MIER2: variants seen among roughly 807,000 people sequenced by gnomAD.
The protein encoded by MIER2 is MIER family member 2.
In MIER2, 30 loss-of-function variants were observed where a neutral mutation model predicts 67.6. The ratio of observed to expected loss-of-function variants is 0.44; its 90% confidence interval spans 0.33 to 0.60. The LOEUF is 0.60. MIER2 is among the 20% of genes least tolerant of loss of function. The pLI is 0.02. For missense variants in MIER2, 702 were observed against 745.1 expected (o/e 0.94, Z 0.67); for synonymous variants, 372 against 312.6 (o/e 1.19, Z -2.00).
rs919741584 is a variant in MIER2 at position 324,972 on chromosome 19, A to G, written c.655+663T>C. Among the ~76,000 whole-genome samples the G allele has an allele frequency of 2.0e-5, 3 of 152,210 alleles. No individual in the cohort carries two copies. The East Asian group carries it at 5.8e-4, about 29-fold the overall frequency. On this transcript the variant is annotated intron_variant, in intron 7 of 13. Transcript: ENST00000264819. ...CCAGGAGGACGACTTCTCTTCACGG[A>G]GGGTCCCTGTCTCCCTGGACTCAGT...
chr19:320,335 G>A (rs1232722528), intron 7 of MIER2, among the ~76,000 whole-genome samples: 1 of 152,006 alleles, frequency 6.6e-6, no homozygotes, highest in African/African-American at 2.4e-5. Context: ...AGCCAAGATT[G>A]CGCCACGGCA....
intron 1 of MIER2, among the ~76,000 whole-genome samples, chr19:341,373 G>A (rs1972493428): frequency 6.6e-6 from 1 of 152,154 alleles, no homozygotes; most frequent in Non-Finnish European, 1.5e-5. Flanking sequence ...GGTCTGAGGA[G>A]GATCTGGCCC....
In MIER2 at chr19:327,923, C is replaced by T. The variant is rs10421231; in HGVS notation, c.310G>A (p.Asp104Asn). The T allele has an allele frequency of 6.2e-7, 1 of 1,613,108 alleles. No individual in the cohort carries two copies. The highest frequency in any genetic ancestry group is 8.5e-7 in the Non-Finnish European group (1 of 1,179,574). Residue 104 changes from aspartate to asparagine, a missense_variant, in exon 4 of 14, where the codon GAC (aspartate) becomes AAC (asparagine). Around this residue, in one of 3 missense-constraint regions of MIER2, gnomAD observed 320 missense variants for 292.6 expected, o/e 1.09. Transcript: ENST00000264819. Reference sequence around the variant, plus strand: ...ACGTCACCACCCTCACTCTCCCGGTCTGAAATGGGGTCTGACGCCTCGTAG... The same window carrying T: ...ACGTCACCACCCTCACTCTCCCGGTTTGAAATGGGGTCTGACGCCTCGTAG... ...YGYEASDPIS[D>N]RESEGGDVAP... is the part of the protein sequence containing the mutation.
At chr19:315,112 C>G (rs1164087733) in intron 7 of MIER2, among the ~76,000 whole-genome samples, 5 of 151,966 alleles carry the variant, frequency 3.3e-5, no homozygotes, top group African/African-American at 4.8e-5. Flanking sequence ...CGCCTGTCAT[C>G]CCAGCACTTT....
At chr19:334,597 C>T (rs1344906729) in intron 2 of MIER2, 55 bp from the exon 3 acceptor site, 1 of 1,585,774 alleles carries the variant, frequency 6.3e-7, no homozygotes, top group Non-Finnish European at 8.6e-7. Flanking sequence ...TCCCAACCAT[C>T]CTGCCGAGAC....
intron 3 of MIER2, among the ~76,000 whole-genome samples, chr19:329,910 A>ATTTTGT (rs1971942466): frequency 1.3e-5 from 2 of 150,458 alleles, no homozygotes; most frequent in African/African-American, 4.9e-5. Flanking sequence ...CAAAGTGAGC[A>ATTTTGT]TTTTGTTAAG....
intron 10 of MIER2, among the ~76,000 whole-genome samples, chr19:310,597 AC>A (rs67676947): frequency 0.18 from 9,475 of 53,122 alleles, 188 homozygotes; most frequent in African/African-American, 0.36. Context: ...CTGCAGAAAC[AC>A]AGCCGGGAGC....
At position 308,976 on chromosome 19, in the gene MIER2, CACCTGCACCACGATCCCAGG is replaced by C. The variant is rs1320224716; in HGVS notation, c.985-71_985-52del. 11 of 1,570,284 alleles carry C rather than the reference CACCTGCACCACGATCCCAGG, an allele frequency of 7.0e-6. No individual in the cohort carries two copies. The highest frequency in any genetic ancestry group is 7.8e-6 in the Non-Finnish European group (9 of 1,152,364). Reference sequence around the variant, plus strand: ...TCTGTCCCCGGCTGCCCAGCCCCAGCACCTGCACCACGATCCCAGGACGTCCTGGGACCCCGGGACAGCAC... The same window carrying C: ...TCTGTCCCCGGCTGCCCAGCCCCAGCACGTCCTGGGACCCCGGGACAGCAC... On this transcript the variant is annotated intron_variant, in intron 10 of 13. Coordinates refer to ENST00000264819, the MANE Select transcript of MIER2 (RefSeq NM_017550.3). This position sits in a 1 kb window ranked among gnomAD's most constrained non-coding sequence, Gnocchi z 9.1.
In MIER2 at chr19:334,514, C is replaced by T. The variant is rs144519664; in HGVS notation, c.129G>A (p.Gln43=). 8.7e-5 allele frequency: 141 copies of T among 1,613,982 alleles called. No individual in the cohort carries two copies. Among genetic ancestry groups the T allele is most frequent in the Non-Finnish European group, 1.2e-4 (137 of 1,180,018 alleles). Residue 43 remains glutamine (Q), a synonymous_variant, in exon 3 of 14, where the codon CAG becomes CAA. Coordinates refer to ENST00000264819, the MANE Select transcript of MIER2 (RefSeq NM_017550.3). ...AVVSMGSGDH[Q]FNLAEILSQN... ...GTGACAGGATCTCTGCGAGGTTGAA[C>T]TGATGGTCTCCAGAGCCCATGGACA...
chr19:337,156 T>C (rs1972295528), intron 1 of MIER2, among the ~76,000 whole-genome samples: 1 of 152,104 alleles, frequency 6.6e-6, no homozygotes, highest in South Asian at 2.1e-4. Flanking sequence ...ATCTCTCATG[T>C]ACATAAACAC....
At chr19:329,890 A>T (rs914682611) in intron 3 of MIER2, among the ~76,000 whole-genome samples, 9 of 148,314 alleles carry the variant, frequency 6.1e-5, no homozygotes, top group African/African-American at 1.5e-4. Flanking sequence ...AAAAAAAAGA[A>T]GATGCTGGAC....
rs1422215880 is a variant in MIER2 at position 312,216 on chromosome 19, C to A, written c.864G>T (p.Leu288=). 1 of 1,613,970 alleles carries A rather than the reference C, an allele frequency of 6.2e-7. No homozygotes were observed. Residue 288 remains leucine (L), a synonymous_variant, in exon 9 of 14, where the codon CTG becomes CTT. Coordinates refer to ENST00000264819, the MANE Select transcript of MIER2 (RefSeq NM_017550.3). Reference sequence around the variant, plus strand: ...CTCGGATCACCTTCACGTTGAACCGCAGCCTTCGCAGGGCCTCCTCCACAT... The same window carrying A: ...CTCGGATCACCTTCACGTTGAACCGAAGCCTTCGCAGGGCCTCCTCCACAT... ...NFNVEEALRR[L]RFNVKVIRDG... is the part of the protein sequence containing the mutation.
Position 327,950 on chromosome 19 carries a change from C to T in MIER2, c.283G>A (p.Gly95Ser). 1 of 1,612,966 alleles carries T rather than the reference C, an allele frequency of 6.2e-7. No individual in the cohort carries two copies. Among genetic ancestry groups the T allele is most frequent in the Non-Finnish European group, 8.5e-7 (1 of 1,179,464 alleles). Residue 95 changes from glycine to serine, a missense_variant, in exon 4 of 14, where the codon GGC becomes AGC. By Grantham distance (56) the Gly-to-Ser change is moderately conservative. This residue lies in a region of MIER2 where 320 missense variants were observed against 292.6 expected (regional missense o/e 1.09). Transcript: ENST00000264819. ...MPFDELLALY[G>S]YEASDPISDR... ...GAAATGGGGTCTGACGCCTCGTAGC[C>T]ATAGAGCGCAAGCAGCTCATCAAAG...
intron 7 of MIER2, among the ~76,000 whole-genome samples, chr19:314,110 C>G (rs1849132009): frequency 6.6e-6 from 1 of 152,196 alleles, no homozygotes; most frequent in South Asian, 2.1e-4. Flanking sequence ...ACGCCCCCGA[C>G]TCTGCATAAA....
intron 7 of MIER2, among the ~76,000 whole-genome samples, chr19:314,182 C>A (rs565415759): frequency 1.3e-5 from 2 of 152,344 alleles, no homozygotes; most frequent in Middle Eastern, 3.4e-3. Context: ...CTGTCGCGCT[C>A]TAACCCTGGG....
intron 1 of MIER2, 43 bp from the exon 2 acceptor site, chr19:336,216 C>G: frequency 6.5e-7 from 1 of 1,533,214 alleles, no homozygotes; most frequent in East Asian, 2.3e-5. Context: ...CGGCCCAAAA[C>G]CTGCTGCTGG....
rs1377825413 is a variant in MIER2, at chr19:312,261, C to T, written c.819G>A (p.Glu273=). ...CCACATTGAAGTTGCATTTCACCAA[C>T]TCGTACAGCGCCTGGGGAGAGGACA... ...AVKDSEQALY[E]LVKCNFNVEE... Residue 273 remains glutamate (E), a synonymous_variant, in exon 9 of 14, where the codon GAG becomes GAA. Coordinates refer to ENST00000264819, the MANE Select transcript of MIER2 (RefSeq NM_017550.3). 1.2e-6 allele frequency: 2 copies of T among 1,613,920 alleles called. No homozygotes were observed. The highest frequency in any genetic ancestry group is 1.1e-5 in the South Asian group (1 of 91,088).
rs199568910 is a variant in MIER2 at position 313,539 on chromosome 19, C to T, written c.760G>A (p.Ala254Thr). ...RAVKRRWHEM[A>T]GPQLPEGEAV... The stretch of plus-strand genomic sequence containing the variant: ...TCTCCCTCTGGGAGCTGAGGCCCGG[C>T]CATCTCGTGCCAACGCCGCTTCACC... Residue 254 changes from alanine (A) to threonine (T), a missense_variant, in exon 8 of 14, where the codon GCC becomes ACC. Physicochemically the swap from Ala to Thr is moderately conservative, Grantham distance 58 (BLOSUM62 0). Transcript: ENST00000264819. The T allele has an allele frequency of 2.9e-5, 46 of 1,612,944 alleles. No homozygotes were observed. The highest frequency in any genetic ancestry group is 3.1e-5 in the Non-Finnish European group (36 of 1,179,946).
chr19:341,650 C>T (rs1408726593), intron 1 of MIER2, among the ~76,000 whole-genome samples: 2 of 152,168 alleles, frequency 1.3e-5, no homozygotes, highest in Non-Finnish European at 2.9e-5. Flanking sequence ...TCACTCAGAA[C>T]ACTCTGCATG....
Sources: allele counts gnomAD v4.1 joint callset (sites outside exome capture counted in the v4.1 genomes callset), GRCh38; gene constraint gnomAD v4.1.1; regional missense constraint gnomAD v4.1.1; non-coding constraint Gnocchi (gnomAD v3.1); transcripts MANE v1.5; gene names NCBI Gene and HGNC (gene_info 2026-07-23, HGNC 2026-07-21).